KIF26B: variants seen among roughly 807,000 people sequenced by gnomAD.
KIF26B encodes kinesin-like protein KIF26B.
Under a neutral mutation model 151.2 loss-of-function variants are expected in KIF26B, and 63 were observed. The ratio of observed to expected loss-of-function variants is 0.42; its 90% confidence interval spans 0.34 to 0.51. The LOEUF (loss-of-function observed/expected upper bound fraction) is 0.51, where lower values mean the gene tolerates loss of function less well. Among genes scored for constraint, KIF26B ranks in the 20% least tolerant of loss-of-function variants. KIF26B has a pLI of 0.07. For synonymous variants in KIF26B, 1,357 were observed against 1,262.1 expected (o/e 1.08, Z -1.59); for missense variants, 2,813 against 2,913.6 (o/e 0.97, Z 0.79).
chr1:245,431,435 C>T (rs1658778722), intron 4 of KIF26B, among the ~76,000 whole-genome samples: 1 of 152,014 alleles, frequency 6.6e-6, no homozygotes, highest in Admixed American at 6.6e-5. Flanking sequence ...ACCTCTGCCT[C>T]CCGGCTTCAG....
intron 2 of KIF26B, among the ~76,000 whole-genome samples, chr1:245,345,599 G>C (rs1234866742): frequency 1.3e-5 from 2 of 151,842 alleles, no homozygotes; most frequent in East Asian, 3.9e-4. Context: ...GGGAGGTGGG[G>C]CCTGGTGGGA....
chr1:245,313,161 A>AAAAC (rs200266677), intron 2 of KIF26B, among the ~76,000 whole-genome samples: 10,102 of 151,958 alleles, frequency 0.066, 380 homozygotes, highest in East Asian at 0.1. Flanking sequence ...TCCATCTCAA[A>AAAAC]AAACAAACAA....
At chr1:245,392,041 A>G (rs1016507098) in intron 3 of KIF26B, among the ~76,000 whole-genome samples, 4 of 149,242 alleles carry the variant, frequency 2.7e-5, no homozygotes, top group African/African-American at 1.0e-4. Flanking sequence ...CCCAATAAAT[A>G]CATAGAAAAC....
chr1:245,411,035 T>A (rs1461817918), intron 3 of KIF26B, among the ~76,000 whole-genome samples: 2 of 152,260 alleles, frequency 1.3e-5, no homozygotes, highest in African/African-American at 4.8e-5. Context: ...AAAATCCATT[T>A]TATTGCCCTA....
At chr1:245,644,363 G>A (rs1194236372) in intron 9 of KIF26B, among the ~76,000 whole-genome samples, 4 of 151,746 alleles carry the variant, frequency 2.6e-5, no homozygotes, top group Non-Finnish European at 5.9e-5. Flanking sequence ...TATATTCCAT[G>A]TTTCTACTTA....
intron 2 of KIF26B, among the ~76,000 whole-genome samples, chr1:245,160,444 G>C (rs1668513049): frequency 6.6e-6 from 1 of 152,150 alleles, no homozygotes; most frequent in Non-Finnish European, 1.5e-5. Flanking sequence ...AGGGCACTGA[G>C]CCAGAAATAG....
intron 4 of KIF26B, among the ~76,000 whole-genome samples, chr1:245,463,796 C>T (rs1199782265): frequency 1.3e-5 from 2 of 152,190 alleles, no homozygotes; most frequent in Non-Finnish European, 2.9e-5. Flanking sequence ...AACTTGATTA[C>T]AGGAAACTGT....
At chr1:245,363,314 A>G (rs1672865732) in intron 2 of KIF26B, among the ~76,000 whole-genome samples, 1 of 152,042 alleles carries the variant, frequency 6.6e-6, no homozygotes, top group Non-Finnish European at 1.5e-5. Flanking sequence ...CTCTTGCCTC[A>G]GTCTCCTGAG....
chr1:245,214,467 TAATA>T (rs1248453376), intron 2 of KIF26B, among the ~76,000 whole-genome samples: 1 of 152,186 alleles, frequency 6.6e-6, no homozygotes, highest in East Asian at 1.9e-4. Context: ...CAATCTGGCC[TAATA>T]AATAACACAT....
At chr1:245,229,259 A>G (rs996016348) in intron 2 of KIF26B, among the ~76,000 whole-genome samples, 2 of 152,082 alleles carry the variant, frequency 1.3e-5, no homozygotes, top group African/African-American at 4.8e-5. Context: ...AGCGTGAGCC[A>G]CCGCCCCCTG....
At chr1:245,584,775 T>C (rs879222) in intron 5 of KIF26B, among the ~76,000 whole-genome samples, 14 of 152,340 alleles carry the variant, frequency 9.2e-5, no homozygotes, top group Admixed American at 9.1e-4. Context: ...CCAGGAGTTG[T>C]ACAACTTTTA....
chr1:245,332,902 TCTC>T (rs1672142681), intron 2 of KIF26B, among the ~76,000 whole-genome samples: 6 of 152,154 alleles, frequency 3.9e-5, no homozygotes, highest in Admixed American at 1.3e-4. Context: ...CTCAGAAACA[TCTC>T]CTGGAGACAC....
chr1:245,623,171 TAATG>T (rs1474184931), intron 9 of KIF26B, among the ~76,000 whole-genome samples: 1 of 151,604 alleles, frequency 6.6e-6, no homozygotes, highest in African/African-American at 2.4e-5. Context: ...TCAATCAAGA[TAATG>T]AATATATTCT....
chr1:245,529,495 T>A (rs1297701911), intron 4 of KIF26B, among the ~76,000 whole-genome samples: 1 of 152,204 alleles, frequency 6.6e-6, no homozygotes, highest in East Asian at 1.9e-4. Flanking sequence ...AAAATCCAGA[T>A]CTCTGCAGCC....
intron 4 of KIF26B, among the ~76,000 whole-genome samples, chr1:245,483,040 T>C (rs1227364444): frequency 2.6e-5 from 4 of 151,634 alleles, no homozygotes; most frequent in Non-Finnish European, 5.9e-5. Flanking sequence ...GGACTCACAC[T>C]CCTGGGCATC....
At chr1:245,676,485 A>T (rs1475521191) in intron 10 of KIF26B, 1 of 152,262 alleles carries the variant, frequency 6.6e-6, no homozygotes, top group Non-Finnish European at 1.5e-5. Context: ...TCTGTTATTT[A>T]TAAATTGGAG....
intron 9 of KIF26B, among the ~76,000 whole-genome samples, chr1:245,642,547 C>T (rs138327369): frequency 0.021 from 2,415 of 117,510 alleles, 20 homozygotes; most frequent in African/African-American, 0.029. Context: ...GGGGACAGAG[C>T]GAGACTCCGT....
intron 5 of KIF26B, among the ~76,000 whole-genome samples, chr1:245,557,084 C>A (rs1212519778): frequency 1.3e-5 from 2 of 152,238 alleles, no homozygotes; most frequent in South Asian, 4.1e-4. Context: ...CCTAACACCT[C>A]CGAGTGCCTC....
At chr1:245,332,453 T>C (rs1672132486) in intron 2 of KIF26B, among the ~76,000 whole-genome samples, 1 of 152,248 alleles carries the variant, frequency 6.6e-6, no homozygotes, top group South Asian at 2.1e-4. Flanking sequence ...CTTTAGCCTC[T>C]GAATGCCAGA....
Sources: allele counts gnomAD v4.1 joint callset (sites outside exome capture counted in the v4.1 genomes callset), GRCh38; gene constraint gnomAD v4.1.1; transcripts MANE v1.5; gene names NCBI Gene and HGNC (gene_info 2026-07-23, HGNC 2026-07-21).